DIP2C: variants seen among roughly 807,000 people sequenced by gnomAD.
The protein encoded by DIP2C is disco-interacting protein 2 homolog C.
Under a neutral mutation model 192.4 loss-of-function variants are expected in DIP2C, and 33 were observed. That is an observed-to-expected ratio of 0.17 (90% CI 0.13 to 0.23). DIP2C has a LOEUF of 0.23. DIP2C is among the 10% of genes least tolerant of loss of function. The probability of loss-of-function intolerance (pLI) is 1.00; values close to 1 mark genes in which losing one functional copy is unlikely to be tolerated. For synonymous variants in DIP2C, 979 were observed against 864.1 expected (o/e 1.13, Z -2.33); for missense variants, 1,537 against 2,110.1 (o/e 0.73, Z 5.32).
intron 4 of DIP2C, among the ~76,000 whole-genome samples, chr10:436,180 T>G (rs1378837454): frequency 6.6e-6 from 1 of 152,244 alleles, no homozygotes; most frequent in South Asian, 2.1e-4. Context: ...TGCATGTGTG[T>G]CCACATTTTA....
At chr10:471,998 C>T (rs954904244) in intron 3 of DIP2C, among the ~76,000 whole-genome samples, 28 of 152,094 alleles carry the variant, frequency 1.8e-4, no homozygotes, top group Non-Finnish European at 3.1e-4. Context: ...CTCCAGACAA[C>T]CCTGTGCAGA....
chr10:465,379 G>A (rs1447359867), intron 3 of DIP2C, among the ~76,000 whole-genome samples: 2 of 149,550 alleles, frequency 1.3e-5, no homozygotes, highest in Non-Finnish European at 3.0e-5. Context: ...GTATTGATGG[G>A]ACATATTTCA....
rs559987801 is a variant in DIP2C, at chr10:650,995, C to T, written c.85+38499G>A. On this transcript the variant is annotated intron_variant, in intron 1 of 36. Transcript: ENST00000280886. ...GGCACTGCCCTCTCTCCATCTCTCC[C>T]GGTGCCAGGGCTCAGGCCCCAGCCC... 2.5e-4 allele frequency: 177 copies of T among 717,444 alleles called. No homozygotes were observed. In the African/African-American group the frequency reaches 2.6e-3, roughly 11 times the overall value. The allele number at this position is 717,444 out of a possible 1,614,324, so 44.4% of individuals were successfully genotyped here.
chr10:630,522 T>C (rs1392363741), intron 1 of DIP2C: 4 of 152,252 alleles, frequency 2.6e-5, no homozygotes, highest in African/African-American at 9.6e-5. Flanking sequence ...CTCTCAGCTG[T>C]CTTGAAATAA....
chr10:494,021 CA>C, intron 1 of DIP2C, among the ~76,000 whole-genome samples: 1 of 152,166 alleles, frequency 6.6e-6, no homozygotes, highest in African/African-American at 2.4e-5. Flanking sequence ...CTGGAATAAA[CA>C]AAATCCACGT....
intron 10 of DIP2C, among the ~76,000 whole-genome samples, chr10:395,626 T>A (rs960176916): frequency 6.6e-6 from 1 of 152,046 alleles, no homozygotes; most frequent in African/African-American, 2.4e-5. Context: ...CACAGCTTTC[T>A]GCAAAGCCTG....
chr10:323,611 TTG>T (rs1479041338), intron 31 of DIP2C, among the ~76,000 whole-genome samples: 24 of 152,250 alleles, frequency 1.6e-4, no homozygotes, highest in East Asian at 3.8e-4. Context: ...TCTTAATTTT[TTG>T]TGTTTTTGAT....
intron 1 of DIP2C, among the ~76,000 whole-genome samples, chr10:573,201 A>G (rs1422403859): frequency 1.3e-5 from 2 of 152,178 alleles, no homozygotes; most frequent in East Asian, 3.8e-4. Flanking sequence ...AGGAAGGGAA[A>G]ATCATGCCAA....
intron 1 of DIP2C, among the ~76,000 whole-genome samples, chr10:538,987 A>AC (rs1192504783): frequency 2.0e-5 from 3 of 148,692 alleles, no homozygotes; most frequent in Non-Finnish European, 4.4e-5. Flanking sequence ...CTGCTGTATG[A>AC]CCTCAGTTGC....
Position 651,197 on chromosome 10 carries a change from T to A in DIP2C, c.85+38297A>T. 1.4e-6 allele frequency: 1 copy of A among 717,414 alleles called. No individual in the cohort carries two copies. Among genetic ancestry groups the A allele is most frequent in the Non-Finnish European group, 2.6e-6 (1 of 385,124 alleles). The allele number at this position is 717,414 out of a possible 1,614,324, so 44.4% of individuals were successfully genotyped here. ...CTGGGACCACCGTCCTCCACGCATA[T>A]CTACAGACCCTGTCCTCACCTGCAT... On this transcript the variant is annotated intron_variant, in intron 1 of 36. Transcript: ENST00000280886. This position sits in a 1 kb window ranked among gnomAD's most constrained non-coding sequence, Gnocchi z 4.1.
intron 2 of DIP2C, among the ~76,000 whole-genome samples, chr10:481,071 T>C (rs1401266513): frequency 1.3e-5 from 2 of 151,926 alleles, no homozygotes; most frequent in South Asian, 2.1e-4. Context: ...CCCCAGCACG[T>C]CTAGGAAGCG....
At chr10:541,012 CACA>C (rs1286503796) in intron 1 of DIP2C, among the ~76,000 whole-genome samples, 5 of 147,164 alleles carry the variant, frequency 3.4e-5, no homozygotes, top group Admixed American at 2.0e-4. Flanking sequence ...GCTGGGGAGC[CACA>C]ACACCCGATG....
chr10:340,759 C>G (rs760423469), intron 29 of DIP2C: 1 of 457,752 alleles, frequency 2.2e-6, no homozygotes, highest in South Asian at 1.5e-5. Context: ...CCAGGGAACG[C>G]TCAGCCCTCG....
intron 1 of DIP2C, among the ~76,000 whole-genome samples, chr10:543,191 G>GT (rs1213800200): frequency 6.6e-6 from 1 of 152,230 alleles, no homozygotes; most frequent in African/African-American, 2.4e-5. Context: ...AATCTTCTGC[G>GT]TTAGGAATAA....
intron 1 of DIP2C, among the ~76,000 whole-genome samples, chr10:505,294 G>A (rs939656032): frequency 9.2e-5 from 14 of 151,956 alleles, no homozygotes; most frequent in Non-Finnish European, 2.9e-5. Flanking sequence ...AGATATACAC[G>A]CAGGAGCTAT....
chr10:447,715 A>G (rs1968389107), intron 3 of DIP2C, among the ~76,000 whole-genome samples: 2 of 111,038 alleles, frequency 1.8e-5, no homozygotes, highest in Non-Finnish European at 3.3e-5. Context: ...GGACCCGCTC[A>G]CTCCCACTGA....
chr10:647,307 T>C (rs1276732763), intron 1 of DIP2C, among the ~76,000 whole-genome samples: 4 of 149,490 alleles, frequency 2.7e-5, no homozygotes, highest in Non-Finnish European at 5.9e-5. Context: ...CACGTCCACA[T>C]TGGACGGCGG....
chr10:488,754 G>C (rs139350494), intron 1 of DIP2C, among the ~76,000 whole-genome samples: 1 of 152,198 alleles, frequency 6.6e-6, no homozygotes, highest in Non-Finnish European at 1.5e-5. Context: ...TGTAGCTTGC[G>C]TGATGTCGTG....
intron 1 of DIP2C, among the ~76,000 whole-genome samples, chr10:490,669 T>C (rs918323761): frequency 6.6e-6 from 1 of 152,234 alleles, no homozygotes; most frequent in Non-Finnish European, 1.5e-5. Context: ...TTTAATTTCC[T>C]TTTCACTTTA....
Sources: allele counts gnomAD v4.1 joint callset (sites outside exome capture counted in the v4.1 genomes callset), GRCh38; gene constraint gnomAD v4.1.1; non-coding constraint Gnocchi (gnomAD v3.1); transcripts MANE v1.5; gene names NCBI Gene and HGNC (gene_info 2026-07-23, HGNC 2026-07-21).